The following GPATCH2 variants were observed in gnomAD, a reference collection of about 807,000 sequenced individuals.
The protein encoded by GPATCH2 is G patch domain-containing protein 2.
In GPATCH2, 51 loss-of-function variants were observed where a neutral mutation model predicts 58.0. That is an observed-to-expected ratio of 0.88 (90% CI 0.70 to 1.11). The LOEUF is 1.11. GPATCH2 is among the 50% of genes most tolerant of loss of function. The probability of loss-of-function intolerance (pLI) is 0.00; values close to 1 mark genes in which losing one functional copy is unlikely to be tolerated. For missense variants in GPATCH2, 625 were observed against 652.2 expected (o/e 0.96, Z 0.45); for synonymous variants, 222 against 218.5 (o/e 1.02, Z -0.14).
At chr1:217,542,655 T>G (rs1165831898) in intron 5 of GPATCH2, among the ~76,000 whole-genome samples, 1 of 152,192 alleles carries the variant, frequency 6.6e-6, no homozygotes, top group Non-Finnish European at 1.5e-5. Context: ...AACATTTTAG[T>G]TCTCTAAGCC....
At chr1:217,621,927 A>C (rs1669208986) in intron 1 of GPATCH2, among the ~76,000 whole-genome samples, 2 of 152,164 alleles carry the variant, frequency 1.3e-5, no homozygotes, top group Admixed American at 1.3e-4. Context: ...CTCACACAAC[A>C]ACCCTATGAG....
At chr1:217,434,396 C>A (rs1658712335) in intron 9 of GPATCH2, among the ~76,000 whole-genome samples, 2 of 152,080 alleles carry the variant, frequency 1.3e-5, no homozygotes, top group Admixed American at 6.6e-5. Context: ...ATTTTGAAGC[C>A]ATGATTATGG....
intron 6 of GPATCH2, among the ~76,000 whole-genome samples, chr1:217,499,104 T>C (rs571559286): frequency 7.9e-5 from 12 of 152,234 alleles, no homozygotes; most frequent in African/African-American, 2.9e-4. Context: ...CGCCCAGTCC[T>C]CTGGCATTAT....
chr1:217,571,703 C>CAAAAAAAAAAAAAAAAAAAAAAAAAAA (rs11463536), intron 5 of GPATCH2, among the ~76,000 whole-genome samples: 8 of 73,810 alleles, frequency 1.1e-4, no homozygotes, highest in East Asian at 5.1e-4. Flanking sequence ...AAAACGAAAC[C>CAAAAAAAAAAAAAAAAAAAAAAAAAAA]AAAAAAAAAA....
intron 5 of GPATCH2, among the ~76,000 whole-genome samples, chr1:217,538,463 C>A (rs1211902955): frequency 3.9e-5 from 6 of 152,150 alleles, no homozygotes; most frequent in Non-Finnish European, 5.9e-5. Flanking sequence ...TCTGAAGGGT[C>A]AAAATGGTTT....
At chr1:217,564,046 A>G (rs1316531420) in intron 5 of GPATCH2, among the ~76,000 whole-genome samples, 9 of 11,148 alleles carry the variant, frequency 8.1e-4, no homozygotes, top group Non-Finnish European at 9.1e-4. Flanking sequence ...CTCCGTCTCG[A>G]AAAAAAAAAA....
At chr1:217,505,592 T>C (rs12039714) in intron 6 of GPATCH2, among the ~76,000 whole-genome samples, 29,100 of 151,944 alleles carry the variant, frequency 0.19, 3,349 homozygotes, top group East Asian at 0.5. Flanking sequence ...ACCTCAAGAT[T>C]CTTAACTGAG....
At chr1:217,581,882 C>G (rs1481008910) in intron 5 of GPATCH2, among the ~76,000 whole-genome samples, 2 of 152,118 alleles carry the variant, frequency 1.3e-5, no homozygotes, top group Non-Finnish European at 2.9e-5. Flanking sequence ...ACCTGGGAGG[C>G]AGAGGTTGCA....
At position 217,557,436 on chromosome 1, in the gene GPATCH2, C is replaced by T. The variant is rs181158235; in HGVS notation, c.1099-42547G>A. 3.2e-4 allele frequency among the ~76,000 whole-genome samples: 49 copies of T among 150,900 alleles called. 1 individual carries two copies. The East Asian group carries it at 8.0e-3, about 25-fold the overall frequency. On this transcript the variant is annotated intron_variant, in intron 5 of 9. Coordinates refer to ENST00000366935, the MANE Select transcript of GPATCH2 (RefSeq NM_018040.5). ...AAAAAAAAAAAAAAAAAAAAAATTC[C>T]GTTCATTTTAATGTGGTTTAATTTA...
intron 8 of GPATCH2, among the ~76,000 whole-genome samples, chr1:217,472,807 C>T (rs931461885): frequency 6.6e-6 from 1 of 152,018 alleles, no homozygotes; most frequent in African/African-American, 2.4e-5. Context: ...ATTGCAGAAC[C>T]GTTCTCCACG....
chr1:217,504,085 G>T (rs1046889709), intron 6 of GPATCH2, among the ~76,000 whole-genome samples: 3 of 152,174 alleles, frequency 2.0e-5, no homozygotes, highest in African/African-American at 7.2e-5. Context: ...GATAGCTGAG[G>T]TTGATGCAGG....
At chr1:217,436,668 G>A (rs960780946) in intron 9 of GPATCH2, among the ~76,000 whole-genome samples, 3 of 152,070 alleles carry the variant, frequency 2.0e-5, no homozygotes, top group African/African-American at 7.2e-5. Context: ...ATACAATGAC[G>A]TCTGTAGCCC....
chr1:217,445,066 G>A (rs1659324340), intron 9 of GPATCH2, among the ~76,000 whole-genome samples: 1 of 151,980 alleles, frequency 6.6e-6, no homozygotes, highest in Non-Finnish European at 1.5e-5. Flanking sequence ...ACAAAAAGCT[G>A]TAATGTAACC....
intron 5 of GPATCH2, among the ~76,000 whole-genome samples, chr1:217,560,134 T>C (rs1232627478): frequency 6.6e-6 from 1 of 152,188 alleles, no homozygotes; most frequent in African/African-American, 2.4e-5. Flanking sequence ...TGAGCCACCA[T>C]GCCCGGCCAG....
intron 8 of GPATCH2, among the ~76,000 whole-genome samples, chr1:217,452,408 A>G (rs530668295): frequency 1.2e-4 from 19 of 152,370 alleles, no homozygotes; most frequent in Middle Eastern, 3.4e-3. Flanking sequence ...CTTAAGAAAC[A>G]CATTTTTAGA....
rs547745681 is a variant in GPATCH2, at chr1:217,610,510, A to G, written c.1019-110T>C. Reference sequence around the variant, plus strand: ...AAAAGTAAGTTGGTGGTGGCGGTGAATGCCACGAATATTATTTGGGAAAAT... The same window carrying G: ...AAAAGTAAGTTGGTGGTGGCGGTGAGTGCCACGAATATTATTTGGGAAAAT... On this transcript the variant is annotated intron_variant, in intron 4 of 9. Transcript: ENST00000366935. 2.9e-4 allele frequency: 199 copies of G among 688,958 alleles called. 1 individual carries two copies. In the African/African-American group the frequency reaches 3.2e-3, roughly 11 times the overall value. 42.7% of individuals were successfully genotyped at this position (688,958 alleles called of 1,614,324 possible).
At chr1:217,461,091 A>T (rs1420331076) in intron 8 of GPATCH2, among the ~76,000 whole-genome samples, 2 of 152,220 alleles carry the variant, frequency 1.3e-5, no homozygotes, top group Admixed American at 6.5e-5. Context: ...AAGAGCAAAG[A>T]AAAATGTGCT....
At chr1:217,434,066 C>T (rs1440491315) in intron 9 of GPATCH2, among the ~76,000 whole-genome samples, 1 of 152,168 alleles carries the variant, frequency 6.6e-6, no homozygotes, top group Non-Finnish European at 1.5e-5. Context: ...AAGAACTAGC[C>T]AATGATTAAT....
intron 2 of GPATCH2, among the ~76,000 whole-genome samples, chr1:217,618,832 G>A (rs1330154164): frequency 6.6e-6 from 1 of 151,834 alleles, no homozygotes; most frequent in African/African-American, 2.4e-5. Flanking sequence ...GCATGGTGGT[G>A]CACACAGGTA....
Sources: allele counts gnomAD v4.1 joint callset (sites outside exome capture counted in the v4.1 genomes callset), GRCh38; gene constraint gnomAD v4.1.1; transcripts MANE v1.5; gene names NCBI Gene and HGNC (gene_info 2026-07-23, HGNC 2026-07-21).